The following NRXN1 variants were observed in gnomAD, a reference collection of about 807,000 sequenced individuals.
The protein encoded by NRXN1 is neurexin-1.
NRXN1 carries 39 observed loss-of-function variants against 150.9 expected under a neutral mutation model. The observed-to-expected ratio is 0.26, with a 90% CI of 0.20 to 0.34. The LOEUF (loss-of-function observed/expected upper bound fraction) is 0.34. Ranked by LOEUF, NRXN1 falls within the 10% of genes least tolerant of loss-of-function variation. The probability of loss-of-function intolerance (pLI) is 1.00; values close to 1 mark genes in which losing one functional copy is unlikely to be tolerated. For synonymous variants in NRXN1, 924 were observed against 757.0 expected (o/e 1.22, Z -3.62); for missense variants, 1,815 against 1,949.9 (o/e 0.93, Z 1.30).
At chr2:50,823,005 G>A (rs528324070) in intron 5 of NRXN1, among the ~76,000 whole-genome samples, 10 of 152,202 alleles carry the variant, frequency 6.6e-5, no homozygotes, top group South Asian at 2.1e-4. Flanking sequence ...ACATTCAGTC[G>A]CTCAGCATAA....
chr2:50,304,138 T>C (rs1167939226), intron 17 of NRXN1, among the ~76,000 whole-genome samples: 2 of 152,156 alleles, frequency 1.3e-5, no homozygotes, highest in African/African-American at 2.4e-5. Context: ...GTTACACTCA[T>C]CATAACAACA....
At chr2:50,296,905 T>C (rs1272437120) in intron 17 of NRXN1, among the ~76,000 whole-genome samples, 5 of 136,320 alleles carry the variant, frequency 3.7e-5, no homozygotes, top group African/African-American at 8.1e-5. Flanking sequence ...TTTTTTGAGA[T>C]GGAGTCTCGC....
chr2:50,881,575 CA>C (rs968783411), intron 5 of NRXN1, among the ~76,000 whole-genome samples: 1 of 151,840 alleles, frequency 6.6e-6, no homozygotes, highest in Non-Finnish European at 1.5e-5. Flanking sequence ...AAAGGACACA[CA>C]GGGTTTTCTT....
chr2:50,247,398 T>G (rs887585490), intron 17 of NRXN1, among the ~76,000 whole-genome samples: 2 of 152,084 alleles, frequency 1.3e-5, no homozygotes, highest in Non-Finnish European at 2.9e-5. Flanking sequence ...GATTTATTAA[T>G]ACTCAGAGAA....
At chr2:50,610,395 G>C (rs1487597588) in intron 8 of NRXN1, among the ~76,000 whole-genome samples, 1 of 151,682 alleles carries the variant, frequency 6.6e-6, no homozygotes, top group African/African-American at 2.4e-5. Flanking sequence ...GTATACAACT[G>C]AGCAGAGAGA....
intron 17 of NRXN1, among the ~76,000 whole-genome samples, chr2:50,373,690 G>GGAAGGAAAGAAAGAAAGAAA (rs1168453652): frequency 2.2e-4 from 20 of 91,718 alleles, no homozygotes; most frequent in African/African-American, 9.3e-4. Context: ...AAAGAAAGAA[G>GGAAGGAAAGAAAGAAAGAAA]GAAAGAAAGA....
At chr2:50,854,686 C>A (rs1288072578) in intron 5 of NRXN1, among the ~76,000 whole-genome samples, 3 of 152,074 alleles carry the variant, frequency 2.0e-5, no homozygotes, top group African/African-American at 7.2e-5. Context: ...CTTGGCCCAA[C>A]TTGACAGCCA....
At chr2:50,146,751 T>C (rs1164759534) in intron 18 of NRXN1, among the ~76,000 whole-genome samples, 2 of 151,636 alleles carry the variant, frequency 1.3e-5, no homozygotes, top group South Asian at 2.1e-4. Flanking sequence ...TTTCTTTGAA[T>C]AATCTTCTTT....
At chr2:50,957,853 G>T (rs897162384) in intron 2 of NRXN1, among the ~76,000 whole-genome samples, 1 of 151,462 alleles carries the variant, frequency 6.6e-6, no homozygotes, top group African/African-American at 2.4e-5. Context: ...TATCATTCTG[G>T]CCCAGAAGTC....
chr2:50,155,071 A>G (rs1362097491), intron 18 of NRXN1, among the ~76,000 whole-genome samples: 1 of 151,630 alleles, frequency 6.6e-6, no homozygotes, highest in Non-Finnish European at 1.5e-5. Context: ...CTATTTTTTA[A>G]ACCTGTTTTC....
intron 19 of NRXN1, among the ~76,000 whole-genome samples, chr2:50,058,672 C>T (rs942226766): frequency 3.9e-5 from 6 of 152,114 alleles, no homozygotes; most frequent in Non-Finnish European, 5.9e-5. Context: ...ATTGTCGCTC[C>T]CATAATCCCT....
chr2:50,925,429 C>T (rs902778153), intron 3 of NRXN1, among the ~76,000 whole-genome samples: 5 of 151,792 alleles, frequency 3.3e-5, no homozygotes, highest in African/African-American at 1.2e-4. Context: ...TGGCCAATGG[C>T]TTATTTTTTA....
chr2:50,061,282 C>A (rs925112341), intron 19 of NRXN1, among the ~76,000 whole-genome samples: 1 of 152,028 alleles, frequency 6.6e-6, no homozygotes, highest in Non-Finnish European at 1.5e-5. Context: ...GGATATAAAC[C>A]ATTTGATTGG....
chr2:50,042,097 G>C (rs115222714), intron 21 of NRXN1, among the ~76,000 whole-genome samples: 118 of 152,242 alleles, frequency 7.8e-4, no homozygotes, highest in African/African-American at 2.8e-3. Flanking sequence ...CCAAACAACT[G>C]TAATTTCAAA....
chr2:50,399,019 T>C lies in NRXN1; in HGVS notation c.3364+66423A>G, dbSNP rs145680934. Among the ~76,000 whole-genome samples the C allele has an allele frequency of 1.2e-4, 19 of 152,288 alleles. No homozygotes were observed. The East Asian group carries it at 3.1e-3, about 25-fold the overall frequency. ...GTCTGGACAAATATGTGCGTGACTA[T>C]TTTCAGGACTGATTGGAGGTCATAA... On this transcript the variant is annotated intron_variant, in intron 17 of 22. Transcript: ENST00000401669.
chr2:50,557,617 C>T (rs1310462650), intron 8 of NRXN1, among the ~76,000 whole-genome samples: 1 of 152,158 alleles, frequency 6.6e-6, no homozygotes, highest in African/African-American at 2.4e-5. Context: ...GTATCTACCA[C>T]ATTAAGGTTA....
intron 5 of NRXN1, among the ~76,000 whole-genome samples, chr2:50,788,847 A>G (rs377256524): frequency 7.9e-5 from 12 of 151,822 alleles, no homozygotes; most frequent in African/African-American, 2.2e-4. Context: ...CACAGTAATT[A>G]TCACATAAGC....
At chr2:50,412,771 C>T (rs1020506108) in intron 17 of NRXN1, among the ~76,000 whole-genome samples, 1 of 151,822 alleles carries the variant, frequency 6.6e-6, no homozygotes, top group Admixed American at 6.6e-5. Flanking sequence ...ACCTTTTTTC[C>T]ACACATCTAC....
intron 5 of NRXN1, among the ~76,000 whole-genome samples, chr2:50,808,752 A>G (rs1183162945): frequency 6.6e-6 from 1 of 152,138 alleles, no homozygotes; most frequent in Non-Finnish European, 1.5e-5. Flanking sequence ...TCACACTTTT[A>G]TAACGATTTA....
Sources: gnomAD v4.1 joint callset for allele counts (sites outside exome capture counted in the v4.1 genomes callset) on GRCh38, gnomAD v4.1.1 for gene constraint, MANE v1.5 for transcripts, NCBI Gene and HGNC (gene_info 2026-07-23, HGNC 2026-07-21) for gene names.